Variants in TSPAN18 observed in about 807,000 individuals in gnomAD.
TSPAN18 encodes the protein tetraspanin-18.
TSPAN18 carries 14 observed loss-of-function variants against 27.3 expected under a neutral mutation model. The ratio of observed to expected loss-of-function variants is 0.51; its 90% CI spans 0.34 to 0.80. The LOEUF is 0.80. Ranked by LOEUF, TSPAN18 falls within the 30% of genes least tolerant of loss-of-function variation. The probability of loss-of-function intolerance (pLI) is 0.01; values close to 1 mark genes in which losing one functional copy is unlikely to be tolerated. For synonymous variants in TSPAN18, 143 were observed against 136.5 expected (o/e 1.05, Z -0.33); for missense variants, 268 against 323.9 (o/e 0.83, Z 1.32).
intron 2 of TSPAN18, among the ~76,000 whole-genome samples, chr11:44,771,937 A>C (rs772963658): frequency 2.0e-5 from 3 of 152,262 alleles, no homozygotes; most frequent in Non-Finnish European, 2.9e-5. Context: ...GAATTGGCTC[A>C]TGTGAGTATA....
intron 1 of TSPAN18, among the ~76,000 whole-genome samples, chr11:44,750,624 C>T (rs1486726405): frequency 2.7e-5 from 4 of 148,852 alleles, no homozygotes; most frequent in South Asian, 2.2e-4. Context: ...TTCTAGACCA[C>T]GTGGTCTTCC....
rs138512957 is a variant in TSPAN18, at chr11:44,909,774, G to A, written c.133G>A (p.Val45Met). 2.1e-5 allele frequency: 34 copies of A among 1,613,736 alleles called. No individual in the cohort carries two copies. The highest frequency in any genetic ancestry group is 5.0e-5 in the Admixed American group (3 of 60,000). Residue 45 changes from valine to methionine, a missense_variant, in exon 5 of 10, where the codon GTG (valine) becomes ATG (methionine). Val to Met is a conservative substitution (Grantham distance 21, BLOSUM62 1). Transcript: ENST00000520358. ...GGACCCCACCGGCTTCCGGGAGATC[G>A]TGGCTGCCAATCCTCTGCTCCTCAC... ...MVDPTGFREI[V>M]AANPLLLTGA...
At chr11:44,870,390 C>CT (rs1858161142) in intron 3 of TSPAN18, among the ~76,000 whole-genome samples, 1 of 152,212 alleles carries the variant, frequency 6.6e-6, no homozygotes, top group Non-Finnish European at 1.5e-5. Flanking sequence ...ATATGCCTGT[C>CT]TCCCCACAGC....
intron 2 of TSPAN18, among the ~76,000 whole-genome samples, chr11:44,848,616 G>C (rs1278648936): frequency 6.6e-6 from 1 of 152,194 alleles, no homozygotes; most frequent in Non-Finnish European, 1.5e-5. Context: ...AAGGGAGCCA[G>C]TGTCAACAGG....
chr11:44,928,047 C>A (rs921116638), intron 9 of TSPAN18, among the ~76,000 whole-genome samples: 8 of 152,328 alleles, frequency 5.3e-5, no homozygotes, highest in Admixed American at 4.6e-4. Context: ...TAGCCCCTCC[C>A]CACCCCAGTG....
At chr11:44,732,798 C>T (rs1249697268) in intron 1 of TSPAN18, among the ~76,000 whole-genome samples, 1 of 152,138 alleles carries the variant, frequency 6.6e-6, no homozygotes, top group East Asian at 1.9e-4. Flanking sequence ...GCTGTGTGGC[C>T]TTGGCTTCCT....
chr11:44,802,326 G>C lies in TSPAN18; in HGVS notation c.-153+37814G>C, dbSNP rs1023720638. On this transcript the variant is annotated intron_variant, in intron 2 of 9. Coordinates refer to ENST00000520358, the MANE Select transcript of TSPAN18 (RefSeq NM_130783.5). ...AAGCACAAAGTGGTTGAGGTGGGTG[G>C]GGGGAGAGCTGTGGGAGATGGAGTG... 2.5e-4 allele frequency among the ~76,000 whole-genome samples: 38 copies of C among 151,906 alleles called. 1 individual carries two copies. The highest frequency in any genetic ancestry group is 1.5e-3 in the Admixed American group (23 of 15,252).
chr11:44,740,631 T>C lies in TSPAN18; in HGVS notation c.-240+13344T>C, dbSNP rs907371900. Among the ~76,000 whole-genome samples, 45 of 152,208 alleles carry C rather than the reference T, an allele frequency of 3.0e-4. 1 individual carries two copies. The highest frequency in any genetic ancestry group is 2.8e-3 in the Admixed American group (43 of 15,290). Reference sequence around the variant, plus strand: ...GGAAATGCAGAGAATTAGCAAAGAATTGGGGGAGCTGCCCCCACAACCCCA... The same window carrying C: ...GGAAATGCAGAGAATTAGCAAAGAACTGGGGGAGCTGCCCCCACAACCCCA... On this transcript the variant is annotated intron_variant, in intron 1 of 9. Transcript: ENST00000520358.
At chr11:44,911,834 G>T (rs1316894690) in intron 5 of TSPAN18, among the ~76,000 whole-genome samples, 3 of 152,070 alleles carry the variant, frequency 2.0e-5, no homozygotes, top group African/African-American at 7.2e-5. Context: ...GAGGCCCAGG[G>T]GTAGGAGATG....
chr11:44,925,038 G>GCCTGT (rs1435131649), intron 8 of TSPAN18, among the ~76,000 whole-genome samples: 1 of 152,202 alleles, frequency 6.6e-6, no homozygotes, highest in African/African-American at 2.4e-5. Context: ...GCCTGGCCTG[G>GCCTGT]GGTAGGAACC....
intron 3 of TSPAN18, among the ~76,000 whole-genome samples, chr11:44,867,664 G>A (rs1019134959): frequency 1.3e-5 from 2 of 152,120 alleles, no homozygotes; most frequent in African/African-American, 4.8e-5. Flanking sequence ...CTCCCAAAGT[G>A]CTGGGATTAC....
intron 2 of TSPAN18, among the ~76,000 whole-genome samples, chr11:44,796,583 C>A (rs1430629957): frequency 6.6e-6 from 1 of 152,160 alleles, no homozygotes; most frequent in African/African-American, 2.4e-5. Flanking sequence ...CAGAATGGAA[C>A]CCAGCATGTC....
At position 44,855,449 on chromosome 11, in the gene TSPAN18, C is replaced by T. The variant is rs565816267; in HGVS notation, c.-152-4879C>T. Reference sequence around the variant, plus strand: ...TAATAAATTTTAAAAAGCAAGCATTCGACAATCACTATATTCAAAGTGGTT... The same window carrying T: ...TAATAAATTTTAAAAAGCAAGCATTTGACAATCACTATATTCAAAGTGGTT... On this transcript the variant is annotated intron_variant, in intron 2 of 9. Coordinates refer to ENST00000520358, the MANE Select transcript of TSPAN18 (RefSeq NM_130783.5). 7.9e-5 allele frequency among the ~76,000 whole-genome samples: 12 copies of T among 152,188 alleles called. No individual in the cohort carries two copies. In the South Asian group the frequency reaches 2.1e-3, roughly 26 times the overall value.
Position 44,838,349 on chromosome 11 carries a change from T to A in TSPAN18, c.-152-21979T>A, listed in dbSNP as rs116415824. Among the ~76,000 whole-genome samples, 601 of 152,188 alleles carry A rather than the reference T, an allele frequency of 3.9e-3. 2 individuals carry two copies. The highest frequency in any genetic ancestry group is 0.014 in the African/African-American group (571 of 41,514). ...ATCTCATGAGACTTAATCACTATAA[T>A]GAGAACAGCACGGGAAAGACCCACC... On this transcript the variant is annotated intron_variant, in intron 2 of 9. Coordinates refer to ENST00000520358, the MANE Select transcript of TSPAN18 (RefSeq NM_130783.5).
At chr11:44,804,278 A>AT (rs1181970160) in intron 2 of TSPAN18, among the ~76,000 whole-genome samples, 1 of 151,970 alleles carries the variant, frequency 6.6e-6, no homozygotes, top group African/African-American at 2.4e-5. Context: ...AAATTTTTGT[A>AT]TTTTTAGTTT....
At chr11:44,765,567 T>C (rs1045833417) in intron 2 of TSPAN18, among the ~76,000 whole-genome samples, 1 of 152,220 alleles carries the variant, frequency 6.6e-6, no homozygotes. Flanking sequence ...TCATGTCATC[T>C]TGCCACTATG....
intron 1 of TSPAN18, among the ~76,000 whole-genome samples, chr11:44,762,741 A>T (rs760138748): frequency 6.6e-6 from 1 of 152,064 alleles, no homozygotes; most frequent in Non-Finnish European, 1.5e-5. Flanking sequence ...CACTGCCTGG[A>T]TGGACATTTG....
In TSPAN18 at chr11:44,900,226, A is replaced by C. The variant is rs915035873; in HGVS notation, c.-10-6181A>C. Among the ~76,000 whole-genome samples, 10 of 152,238 alleles carry C rather than the reference A, an allele frequency of 6.6e-5. 1 individual carries two copies. Among genetic ancestry groups the C allele is most frequent in the East Asian group, 3.8e-4 (2 of 5,206 alleles). On this transcript the variant is annotated intron_variant, in intron 3 of 9. Coordinates refer to ENST00000520358, the MANE Select transcript of TSPAN18 (RefSeq NM_130783.5). Reference sequence around the variant, plus strand: ...GGCCTCTATAGGGGATGGAGCAGGCAAGCCCTGGTCTCTAGGCTTCAGCCT... The same window carrying C: ...GGCCTCTATAGGGGATGGAGCAGGCCAGCCCTGGTCTCTAGGCTTCAGCCT...
chr11:44,726,904 C>CGGGGGAGGGGGAGGGAGGGT (rs1292843945), upstream of TSPAN18: 9 of 19,460 alleles, frequency 4.6e-4, no homozygotes, highest in Admixed American at 5.4e-3. Flanking sequence ...GGAGGGAGGG[C>CGGGGGAGGGGGAGGGAGGGT]GGGGGAGGGG....
Sources: gnomAD v4.1 joint callset for allele counts (sites outside exome capture counted in the v4.1 genomes callset) on GRCh38, gnomAD v4.1.1 for gene constraint, MANE v1.5 for transcripts, NCBI Gene and HGNC (gene_info 2026-07-23, HGNC 2026-07-21) for gene names.